Variants in CFAP96 observed in about 807,000 individuals in gnomAD.
The protein encoded by CFAP96 is cilia and flagella associated protein 96.
At chr4:185,444,908 A>G in the CFAP96 span, 1 of 1,473,736 alleles carries the variant, frequency 6.8e-7, no homozygotes, top group Middle Eastern at 1.7e-4. Flanking sequence ...TTCACAAGCT[A>G]ATTTTGTAGA....
the CFAP96 span, chr4:185,422,670 T>A: frequency 2.6e-6 from 2 of 767,638 alleles, no homozygotes; most frequent in Non-Finnish European, 2.0e-6. Context: ...TAACCTTGAT[T>A]CTTCAAATTA....
chr4:185,443,320 G>GTATATA, the CFAP96 span, among the ~76,000 whole-genome samples: 58 of 55,966 alleles, frequency 1.0e-3, 4 homozygotes, highest in Middle Eastern at 0.01. Context: ...TATTTTTTAT[G>GTATATA]TATATATATA....
chr4:185,442,114 T>C, the CFAP96 span, among the ~76,000 whole-genome samples: 1 of 152,116 alleles, frequency 6.6e-6, no homozygotes, highest in African/African-American at 2.4e-5. Context: ...AAAAACCCTT[T>C]TAAGTTCTAT....
chr4:185,443,316 T>TTACGTATATATATATATATA, the CFAP96 span, among the ~76,000 whole-genome samples: 1 of 68,050 alleles, frequency 1.5e-5, no homozygotes, highest in African/African-American at 4.1e-5. Context: ...ATATTATTTT[T>TTACGTATATATATATATATA]TATGTATATA....
At chr4:185,424,140 CA>C in the CFAP96 span, among the ~76,000 whole-genome samples, 99,730 of 135,186 alleles carry the variant, frequency 0.74, 36,529 homozygotes, top group East Asian at 0.94. Flanking sequence ...CCATCTCTAC[CA>C]AAAAAAAAAA....
chr4:185,428,864 A>AGGGTTAGGGT, the CFAP96 span, among the ~76,000 whole-genome samples: 3 of 152,152 alleles, frequency 2.0e-5, no homozygotes, highest in Admixed American at 1.3e-4. Flanking sequence ...TTGTAGGGTA[A>AGGGTTAGGGT]TACCTCAATG....
chr4:185,437,768 TAACAG>T, the CFAP96 span, among the ~76,000 whole-genome samples: 1 of 152,198 alleles, frequency 6.6e-6, no homozygotes, highest in Non-Finnish European at 1.5e-5. Flanking sequence ...TTTTCTCTCT[TAACAG>T]AAAAAGCTCT....
the CFAP96 span, chr4:185,440,716 A>G: frequency 7.4e-7 from 1 of 1,351,842 alleles, no homozygotes; most frequent in Non-Finnish European, 9.7e-7. Flanking sequence ...CTCCTGGTAA[A>G]AAGGTAAGTT....
At chr4:185,426,870 T>A in the CFAP96 span, among the ~76,000 whole-genome samples, 2 of 41,886 alleles carry the variant, frequency 4.8e-5, no homozygotes, top group Admixed American at 3.8e-4. Context: ...CTGTCTCTAC[T>A]AAAAATACCA....
chr4:185,434,062 T>C, the CFAP96 span, among the ~76,000 whole-genome samples: 1 of 151,830 alleles, frequency 6.6e-6, no homozygotes, highest in Non-Finnish European at 1.5e-5. Flanking sequence ...CTACAAAATA[T>C]ACAAAAATTA....
the CFAP96 span, among the ~76,000 whole-genome samples, chr4:185,433,105 A>G: frequency 6.6e-6 from 1 of 152,164 alleles, no homozygotes; most frequent in East Asian, 1.9e-4. Context: ...ATGAGGTTTA[A>G]CAGTATCTTA....
chr4:185,427,633 G>C, the CFAP96 span, among the ~76,000 whole-genome samples: 1 of 151,486 alleles, frequency 6.6e-6, no homozygotes, highest in Admixed American at 6.6e-5. Flanking sequence ...GGTGGCAGGT[G>C]CCCGTAGTCC....
chr4:185,448,692 G>A, the CFAP96 span, among the ~76,000 whole-genome samples: 2 of 152,058 alleles, frequency 1.3e-5, no homozygotes, highest in Admixed American at 1.3e-4. Context: ...GCCACCTATC[G>A]CTACTCTGCC....
the CFAP96 span, among the ~76,000 whole-genome samples, chr4:185,421,633 T>C: frequency 1.3e-5 from 2 of 152,202 alleles, no homozygotes; most frequent in African/African-American, 4.8e-5. Flanking sequence ...CACCATGCTT[T>C]TTGTACAGTC....
At chr4:185,435,993 A>C in the CFAP96 span, 1 of 1,379,854 alleles carries the variant, frequency 7.2e-7, no homozygotes, top group Middle Eastern at 1.8e-4. Flanking sequence ...AATAGACTTA[A>C]ACTTTGCCAT....
At chr4:185,447,782 C>A in the CFAP96 span, among the ~76,000 whole-genome samples, 1 of 152,146 alleles carries the variant, frequency 6.6e-6, no homozygotes, top group African/African-American at 2.4e-5. Flanking sequence ...AACCACCCCC[C>A]AAACTCTAAT....
At chr4:185,436,111 A>G in the CFAP96 span, 1 of 1,551,528 alleles carries the variant, frequency 6.4e-7, no homozygotes, top group South Asian at 1.2e-5. Context: ...GCACAGTCAA[A>G]ACCTCGAGAA....
At chr4:185,425,984 C>G in the CFAP96 span, 1 of 1,195,196 alleles carries the variant, frequency 8.4e-7, no homozygotes, top group South Asian at 1.3e-5. Flanking sequence ...CCAACTACAA[C>G]TCCCGACATG....
chr4:185,425,975 C>T, the CFAP96 span: 1 of 1,284,220 alleles, frequency 7.8e-7, no homozygotes, highest in Admixed American at 2.1e-5. Flanking sequence ...CCGGGCGGAC[C>T]AACTACAACT....
Sources: allele counts gnomAD v4.1 joint callset (sites outside exome capture counted in the v4.1 genomes callset), GRCh38; gene constraint gnomAD v4.1.1; transcripts MANE v1.5; gene names NCBI Gene and HGNC (gene_info 2026-07-23, HGNC 2026-07-21).